The following OSBPL3 variants were observed in gnomAD, a reference collection of about 807,000 sequenced individuals.
The protein encoded by OSBPL3 is oxysterol-binding protein-related protein 3.
A neutral mutation model predicts 120.1 loss-of-function variants in OSBPL3; 65 were observed. That is an observed-to-expected ratio of 0.54 (90% CI 0.44 to 0.67). The LOEUF is 0.67. Ranked by LOEUF, OSBPL3 falls within the 30% of genes least tolerant of loss-of-function variation. The pLI is 0.00. For missense variants in OSBPL3, 1,004 were observed against 1,082.1 expected, an observed-to-expected ratio of 0.93 and a Z score of 1.01; for synonymous variants, 416 against 402.6, an observed-to-expected ratio of 1.03 and a Z score of -0.40.
At position 24,831,085 on chromosome 7, in the gene OSBPL3, CCAAAA is replaced by C; in HGVS notation, c.1747-185_1747-181del. On this transcript the variant is annotated intron_variant, in intron 15 of 22. Coordinates refer to ENST00000313367, the MANE Select transcript of OSBPL3 (RefSeq NM_015550.4). This position sits in a 1 kb window ranked among gnomAD's most constrained non-coding sequence, Gnocchi z 4.0. ...GGTTTAAATAATGTTTATCTGGGCCCCAAAACAAATTAACCCAATGTTTTAAAGCT... is the reference window on the plus strand; with the variant it reads ...GGTTTAAATAATGTTTATCTGGGCCCCAAATTAACCCAATGTTTTAAAGCT... Among the ~76,000 whole-genome samples, 1 of 152,226 alleles carries C rather than the reference CCAAAA, an allele frequency of 6.6e-6. No homozygotes were observed. The highest frequency in any genetic ancestry group is 3.4e-3 in the Middle Eastern group (1 of 294).
intron 1 of OSBPL3, among the ~76,000 whole-genome samples, chr7:24,954,911 A>G (rs1814858648): frequency 6.6e-6 from 1 of 152,200 alleles, no homozygotes; most frequent in South Asian, 2.1e-4. Flanking sequence ...TCATGCTGAC[A>G]GTACTAAAGG....
rs1019484047 is a variant in OSBPL3 at position 24,799,284 on chromosome 7, G to A, written c.*899C>T. The A allele has an allele frequency of 1.3e-5, 2 of 152,474 alleles. No individual in the cohort carries two copies. The highest frequency in any genetic ancestry group is 2.9e-5 in the Non-Finnish European group (2 of 68,024). The allele number at this position is 152,474 out of a possible 1,614,324, so 9.4% of individuals were successfully genotyped here. On this transcript the variant is annotated 3_prime_UTR_variant, in exon 23 of 23. Coordinates refer to ENST00000313367, the MANE Select transcript of OSBPL3 (RefSeq NM_015550.4). This position sits in a 1 kb window ranked among gnomAD's most constrained non-coding sequence, Gnocchi z 5.3. ...GTCAAACTGCTGTGTGGAATAAACTGTATGTTTTATATTAAACTGGGACAT... is the reference window on the plus strand; with the variant it reads ...GTCAAACTGCTGTGTGGAATAAACTATATGTTTTATATTAAACTGGGACAT...
intron 12 of OSBPL3, among the ~76,000 whole-genome samples, chr7:24,842,984 C>T (rs1484747298): frequency 6.6e-6 from 1 of 152,200 alleles, no homozygotes; most frequent in Non-Finnish European, 1.5e-5. Flanking sequence ...CTGTCTCTTT[C>T]CACCTACAAT....
chr7:24,919,878 C>T (rs1159515151), intron 1 of OSBPL3, among the ~76,000 whole-genome samples: 1 of 151,386 alleles, frequency 6.6e-6, no homozygotes, highest in Non-Finnish European at 1.5e-5. Context: ...TCCAAAGAAG[C>T]CACAAAAAAT....
Position 24,952,056 on chromosome 7 carries a change from A to C in OSBPL3, c.-150+27830T>G, listed in dbSNP as rs1433893218. On this transcript the variant is annotated intron_variant, in intron 1 of 22. Coordinates refer to ENST00000313367, the MANE Select transcript of OSBPL3 (RefSeq NM_015550.4). This position sits in a 1 kb window ranked among gnomAD's most constrained non-coding sequence, Gnocchi z 4.4. Reference sequence around the variant, plus strand: ...TTATAACATCTAATAACTAAAAGGAAGAACACGAATGAATGTAGAGGGGCC... The same window carrying C: ...TTATAACATCTAATAACTAAAAGGACGAACACGAATGAATGTAGAGGGGCC... Among the ~76,000 whole-genome samples, 2 of 152,228 alleles carry C rather than the reference A, an allele frequency of 1.3e-5. No homozygotes were observed. The highest frequency in any genetic ancestry group is 4.8e-5 in the African/African-American group (2 of 41,454).
intron 19 of OSBPL3, among the ~76,000 whole-genome samples, chr7:24,811,119 T>C (rs1279014937): frequency 6.6e-6 from 1 of 152,238 alleles, no homozygotes; most frequent in Non-Finnish European, 1.5e-5. Context: ...TTTTCCATAA[T>C]AGCTGTGCTA....
intron 1 of OSBPL3, among the ~76,000 whole-genome samples, chr7:24,897,486 C>A (rs112378634): frequency 0.027 from 4,144 of 151,612 alleles, 178 homozygotes; most frequent in African/African-American, 0.086. Flanking sequence ...CTACCACGCC[C>A]GGCTAATTTT....
chr7:24,906,158 T>C, intron 1 of OSBPL3: 1 of 194,894 alleles, frequency 5.1e-6, no homozygotes, highest in South Asian at 8.2e-5. Context: ...TCAGCAGGCA[T>C]CATCACGGAG....
Position 24,959,647 on chromosome 7 carries a change from T to G in OSBPL3, c.-150+20239A>C, listed in dbSNP as rs1159464478. On this transcript the variant is annotated intron_variant, in intron 1 of 22. Coordinates refer to ENST00000313367, the MANE Select transcript of OSBPL3 (RefSeq NM_015550.4). This position sits in a 1 kb window ranked among gnomAD's most constrained non-coding sequence, Gnocchi z 4.3. Reference sequence around the variant, plus strand: ...TCTGAAAACTCATTAGATTATATGTTGATGCTTTGTATACTTTTCTGCAGG... The same window carrying G: ...TCTGAAAACTCATTAGATTATATGTGGATGCTTTGTATACTTTTCTGCAGG... Among the ~76,000 whole-genome samples the G allele has an allele frequency of 6.6e-6, 1 of 152,240 alleles. No homozygotes were observed. The highest frequency in any genetic ancestry group is 2.4e-5 in the African/African-American group (1 of 41,464).
intron 1 of OSBPL3, among the ~76,000 whole-genome samples, chr7:24,969,887 C>T (rs189520800): frequency 1.3e-5 from 2 of 152,302 alleles, no homozygotes; most frequent in Non-Finnish European, 2.9e-5. Context: ...CCTCCTTGTT[C>T]ACTGTTTACA....
At chr7:24,823,707 A>G (rs1795378899) in intron 16 of OSBPL3, among the ~76,000 whole-genome samples, 2 of 152,242 alleles carry the variant, frequency 1.3e-5, no homozygotes, top group African/African-American at 4.8e-5. Flanking sequence ...AAATGCTCTG[A>G]TTCTAACATC....
intron 1 of OSBPL3, among the ~76,000 whole-genome samples, chr7:24,970,991 A>C (rs572298673): frequency 6.6e-6 from 1 of 152,354 alleles, no homozygotes; most frequent in East Asian, 1.9e-4. Context: ...AATGTGTCCA[A>C]AAGTCTCATG....
rs1486957340 is a variant in OSBPL3, at chr7:24,818,541, C to T, written c.1948+1634G>A. 6.6e-6 allele frequency among the ~76,000 whole-genome samples: 1 copy of T among 151,990 alleles called. No individual in the cohort carries two copies. Among genetic ancestry groups the T allele is most frequent in the African/African-American group, 2.4e-5 (1 of 41,358 alleles). ...ATATTAAAAATATATAACATAAATC[C>T]TAAAGTAACAACTTTAACAAGAAAC... On this transcript the variant is annotated intron_variant, in intron 17 of 22. Coordinates refer to ENST00000313367, the MANE Select transcript of OSBPL3 (RefSeq NM_015550.4). This position sits in a 1 kb window ranked among gnomAD's most constrained non-coding sequence, Gnocchi z 4.0.
At chr7:24,915,552 T>A (rs1296512421) in intron 1 of OSBPL3, among the ~76,000 whole-genome samples, 1 of 151,560 alleles carries the variant, frequency 6.6e-6, no homozygotes, top group Non-Finnish European at 1.5e-5. Context: ...AAAAAAAAAA[T>A]TCACCATGTT....
At chr7:24,807,211 G>A (rs1464745032) in intron 20 of OSBPL3, among the ~76,000 whole-genome samples, 1 of 152,158 alleles carries the variant, frequency 6.6e-6, no homozygotes, top group African/African-American at 2.4e-5. Context: ...AAACATGCTC[G>A]GCTGGGCGTG....
chr7:24,867,812 T>C lies in OSBPL3; in HGVS notation c.382-1575A>G, dbSNP rs569140133. ...TCCCACTCTCAGAAATAAAGCACTA[T>C]ACAGCAATAGTATTATTTTTCTAAC... On this transcript the variant is annotated intron_variant, in intron 5 of 22. Transcript: ENST00000313367. This position sits in a 1 kb window ranked among gnomAD's most constrained non-coding sequence, Gnocchi z 4.5. 2.0e-5 allele frequency among the ~76,000 whole-genome samples: 3 copies of C among 152,348 alleles called. No homozygotes were observed. The highest frequency in any genetic ancestry group is 7.2e-5 in the African/African-American group (3 of 41,570).
chr7:24,831,460 G>C lies in OSBPL3; in HGVS notation c.1747-555C>G, dbSNP rs759695820. On this transcript the variant is annotated intron_variant, in intron 15 of 22. Coordinates refer to ENST00000313367, the MANE Select transcript of OSBPL3 (RefSeq NM_015550.4). This position sits in a 1 kb window ranked among gnomAD's most constrained non-coding sequence, Gnocchi z 4.0. Reference sequence around the variant, plus strand: ...AGCCACAGGATATAGTGACTTTAAAGTTCTGCTTTTTTGGGAGGAAAAGTG... The same window carrying C: ...AGCCACAGGATATAGTGACTTTAAACTTCTGCTTTTTTGGGAGGAAAAGTG... Among the ~76,000 whole-genome samples, 1 of 151,974 alleles carries C rather than the reference G, an allele frequency of 6.6e-6. No individual in the cohort carries two copies. The highest frequency in any genetic ancestry group is 1.5e-5 in the Non-Finnish European group (1 of 67,986).
chr7:24,901,548 G>A (rs570977689), intron 1 of OSBPL3, among the ~76,000 whole-genome samples: 1 of 152,254 alleles, frequency 6.6e-6, no homozygotes, highest in African/African-American at 2.4e-5. Flanking sequence ...TTATAACTTT[G>A]AACTATGTAC....
intron 1 of OSBPL3, among the ~76,000 whole-genome samples, chr7:24,925,070 G>T (rs559209544): frequency 2.0e-4 from 30 of 152,258 alleles, no homozygotes; most frequent in African/African-American, 7.0e-4. Context: ...TTCAAAAAAC[G>T]TTACTAAAGA....
Sources: gnomAD v4.1 joint callset for allele counts (sites outside exome capture counted in the v4.1 genomes callset) on GRCh38, gnomAD v4.1.1 for gene constraint, Gnocchi (gnomAD v3.1) non-coding constraint, MANE v1.5 for transcripts, NCBI Gene and HGNC (gene_info 2026-07-23, HGNC 2026-07-21) for gene names.